The following ECPAS variants were observed in gnomAD, a reference collection of about 807,000 sequenced individuals.
ECPAS encodes the protein proteasome adapter and scaffold protein ECM29.
A neutral mutation model predicts 255.1 loss-of-function variants in ECPAS; 70 were observed. The ratio of observed to expected loss-of-function variants is 0.27; its 90% CI spans 0.23 to 0.33. ECPAS has a LOEUF of 0.33. ECPAS is among the 10% of genes least tolerant of loss of function. The probability of loss-of-function intolerance (pLI) is 1.00; values close to 1 mark genes in which losing one functional copy is unlikely to be tolerated. For missense variants in ECPAS, 1,817 were observed against 2,206.4 expected (o/e 0.82, Z 3.54); for synonymous variants, 784 against 775.0 (o/e 1.01, Z -0.19).
At chr9:111,383,679 G>C (rs954954525) in intron 34 of ECPAS, among the ~76,000 whole-genome samples, 1 of 152,150 alleles carries the variant, frequency 6.6e-6, no homozygotes, top group Non-Finnish European at 1.5e-5. Context: ...CCAGCACTTT[G>C]GGAGGCCGAG....
intron 1 of ECPAS, among the ~76,000 whole-genome samples, chr9:111,477,518 GAC>G (rs144630575): frequency 3.4e-4 from 51 of 151,482 alleles, no homozygotes; most frequent in African/African-American, 1.0e-3. Flanking sequence ...ATACTAGTTA[GAC>G]ACACACACAC....
chr9:111,470,309 C>G (rs1224026976), intron 2 of ECPAS, among the ~76,000 whole-genome samples: 1 of 151,526 alleles, frequency 6.6e-6, no homozygotes, highest in Non-Finnish European at 1.5e-5. Flanking sequence ...GTCTTTCTTT[C>G]CCTGGCCTTT....
At chr9:111,478,984 A>G (rs2132123439) in intron 1 of ECPAS, among the ~76,000 whole-genome samples, 1 of 152,320 alleles carries the variant, frequency 6.6e-6, no homozygotes, top group South Asian at 2.1e-4. Context: ...TGTTCATCAT[A>G]CACACTCTGA....
Position 111,389,655 on chromosome 9 carries a change from C to T in ECPAS, c.3348G>A (p.Gln1116=), listed in dbSNP as rs371366101. 16 of 1,613,782 alleles carry T rather than the reference C, an allele frequency of 9.9e-6. No individual in the cohort carries two copies. Among genetic ancestry groups the T allele is most frequent in the Non-Finnish European group, 1.3e-5 (15 of 1,179,842 alleles). The stretch of plus-strand genomic sequence containing the variant: ...GGTAACGATAAAGTCGAGGAACTAG[C>T]TGAGGCAGAAAAGGAGCCAGCTGCT... The part of the protein sequence containing the change: ...AGEQLAPFLP[Q]LVPRLYRYQF... Residue 1116 remains glutamine (Q), a synonymous_variant, in exon 31 of 50, where the codon CAG becomes CAA. Coordinates refer to ENST00000684092, the MANE Select transcript of ECPAS (RefSeq NM_001364929.1).
chr9:111,424,717 A>G (rs1450951821), intron 12 of ECPAS, among the ~76,000 whole-genome samples: 2 of 152,248 alleles, frequency 1.3e-5, no homozygotes, highest in Non-Finnish European at 2.9e-5. Flanking sequence ...ATATAAAAGA[A>G]AAAAAGTATC....
chr9:111,363,986 G>A (rs958640384), intron 48 of ECPAS, among the ~76,000 whole-genome samples: 2 of 152,114 alleles, frequency 1.3e-5, no homozygotes, highest in African/African-American at 4.8e-5. Context: ...TCGTATCACG[G>A]ATAAGAACGA....
rs758046993 is a variant in ECPAS at position 111,421,918 on chromosome 9, T to C, written c.1455+3A>G. The C allele has an allele frequency of 1.2e-4, 193 of 1,613,256 alleles. No individual in the cohort carries two copies. The highest frequency in any genetic ancestry group is 1.6e-4 in the Non-Finnish European group (188 of 1,179,692). On this transcript the variant is annotated splice_donor_region_variant and intron_variant, in intron 15 of 49. Transcript: ENST00000684092. ...CCAGGCTTTGTAGTTCACACGGACC[T>C]ACCTTTATTAAGTACGAAGCCACAA...
chr9:111,482,090 C>T (rs1043635182), intron 1 of ECPAS, among the ~76,000 whole-genome samples: 5 of 152,098 alleles, frequency 3.3e-5, no homozygotes, highest in Middle Eastern at 3.2e-3. Flanking sequence ...ATGGCTAGGA[C>T]GGGAAATTTT....
intron 1 of ECPAS, among the ~76,000 whole-genome samples, chr9:111,476,136 A>G (rs1240100121): frequency 6.6e-6 from 1 of 152,226 alleles, no homozygotes; most frequent in Non-Finnish European, 1.5e-5. Context: ...TGAATAGTGC[A>G]TCCTTCAAGA....
At chr9:111,401,750 T>C (rs1020112078) in intron 24 of ECPAS, among the ~76,000 whole-genome samples, 14 of 152,218 alleles carry the variant, frequency 9.2e-5, no homozygotes, top group African/African-American at 3.1e-4. Flanking sequence ...TATTCCTTGC[T>C]GGGAAAAGAA....
Position 111,371,692 on chromosome 9 carries a change from C to T in ECPAS, c.4666G>A (p.Val1556Ile). 6.2e-7 allele frequency: 1 copy of T among 1,613,860 alleles called. No individual in the cohort carries two copies. The change falls in exon 43 of 50, where the codon GTA (valine) becomes ATA (isoleucine). Residue 1556 changes from valine (V) to isoleucine (I), a missense_variant. By Grantham distance (29) the Val-to-Ile change is conservative (BLOSUM62 3). Coordinates refer to ENST00000684092, the MANE Select transcript of ECPAS (RefSeq NM_001364929.1). ...AGTATCATTCCGAGATATGGAGGTACTAGAGAGCTAGTCTGTTTTGCAATT... is the reference window on the plus strand; with the variant it reads ...AGTATCATTCCGAGATATGGAGGTATTAGAGAGCTAGTCTGTTTTGCAATT... ...ASIAKQTSSL[V>I]PPYLGMILTA...
intron 12 of ECPAS, 74 bp downstream of exon 12, chr9:111,425,344 G>T: frequency 1.0e-6 from 1 of 972,248 alleles, no homozygotes; most frequent in African/African-American, 1.7e-5. Flanking sequence ...TAACTACATT[G>T]ACAGACCAGA....
At chr9:111,476,379 A>C (rs955994141) in intron 1 of ECPAS, among the ~76,000 whole-genome samples, 9 of 152,202 alleles carry the variant, frequency 5.9e-5, no homozygotes, top group African/African-American at 2.2e-4. Flanking sequence ...AAAACTAGCC[A>C]CATGTCTTGC....
At chr9:111,473,073 A>T (rs756950271) in intron 1 of ECPAS, 73 bp from the exon 2 acceptor site, 4 of 355,672 alleles carry the variant, frequency 1.1e-5, no homozygotes, top group Non-Finnish European at 1.6e-5. Context: ...GAAAAAAATA[A>T]GCACTTTTCA....
intron 3 of ECPAS, among the ~76,000 whole-genome samples, chr9:111,449,599 T>C (rs547890833): frequency 9.9e-5 from 15 of 151,800 alleles, no homozygotes; most frequent in Non-Finnish European, 1.8e-4. Context: ...TATAAAAAAA[T>C]AAAATACAAA....
intron 20 of ECPAS, 146 bp from the exon 21 acceptor site, chr9:111,412,294 T>C: frequency 1.4e-6 from 1 of 711,864 alleles, no homozygotes; most frequent in South Asian, 3.1e-5. Context: ...AAATGAAAGC[T>C]GAATGAATTA....
intron 43 of ECPAS, 72 bp from the exon 44 acceptor site, chr9:111,370,837 C>T (rs2098126456): frequency 1.5e-6 from 2 of 1,377,450 alleles, no homozygotes; most frequent in African/African-American, 1.4e-5. Flanking sequence ...ACCATGATTA[C>T]AATTACCTTA....
chr9:111,411,207 G>A (rs2098193812), intron 21 of ECPAS, 65 bp from the exon 22 acceptor site: 2 of 1,477,916 alleles, frequency 1.4e-6, no homozygotes, highest in Non-Finnish European at 1.9e-6. Flanking sequence ...ATACATGGCA[G>A]TAACTGTGTG....
chr9:111,383,532 T>C (rs759200792), intron 34 of ECPAS, among the ~76,000 whole-genome samples, 200 bp from the exon 35 acceptor site: 2 of 152,176 alleles, frequency 1.3e-5, no homozygotes, highest in Non-Finnish European at 2.9e-5. Context: ...AATTTGGTAA[T>C]GCATTTCACT....
Sources: allele counts gnomAD v4.1 joint callset (sites outside exome capture counted in the v4.1 genomes callset), GRCh38; gene constraint gnomAD v4.1.1; transcripts MANE v1.5; gene names NCBI Gene and HGNC (gene_info 2026-07-23, HGNC 2026-07-21).